CMSS1: variants seen among roughly 807,000 people sequenced by gnomAD.
CMSS1 encodes the protein protein CMSS1.
A neutral mutation model predicts 43.5 loss-of-function variants in CMSS1; 33 were observed. That is an observed-to-expected ratio of 0.76 (90% CI 0.57 to 1.01). The LOEUF (loss-of-function observed/expected upper bound fraction) is 1.01. Among genes scored for constraint, CMSS1 ranks in the 50% least tolerant of loss-of-function variants. The pLI is 0.00. For synonymous variants in CMSS1, 115 were observed against 117.2 expected, an observed-to-expected ratio of 0.98 and a Z score of 0.12; for missense variants, 313 against 326.4, an observed-to-expected ratio of 0.96 and a Z score of 0.32.
intron 1 of CMSS1, among the ~76,000 whole-genome samples, chr3:99,886,705 G>A (rs926417330): frequency 1.3e-5 from 2 of 152,146 alleles, no homozygotes; most frequent in African/African-American, 4.8e-5. Flanking sequence ...TGTAATCCCA[G>A]CACTTTGGGA....
intron 1 of CMSS1, among the ~76,000 whole-genome samples, chr3:99,857,460 G>T (rs1944020978): frequency 6.6e-6 from 1 of 152,292 alleles, no homozygotes; most frequent in African/African-American, 2.4e-5. Context: ...TATCAACTCT[G>T]CTAACAAAGG....
chr3:100,173,052 T>A (rs894837454), intron 8 of CMSS1, among the ~76,000 whole-genome samples: 23 of 152,330 alleles, frequency 1.5e-4, no homozygotes, highest in African/African-American at 3.8e-4. Context: ...GCTTTTTTTT[T>A]AAATAACTGT....
intron 1 of CMSS1, among the ~76,000 whole-genome samples, chr3:100,053,384 C>T (rs540023835): frequency 6.6e-6 from 1 of 152,270 alleles, no homozygotes; most frequent in South Asian, 2.1e-4. Flanking sequence ...CTGGTGCTTG[C>T]CAACAGTCCT....
intron 1 of CMSS1, among the ~76,000 whole-genome samples, chr3:99,872,522 A>T (rs750667604): frequency 2.6e-5 from 4 of 151,862 alleles, no homozygotes; most frequent in Non-Finnish European, 4.4e-5. Context: ...GTCTGTCCCA[A>T]TCATACACTT....
intron 1 of CMSS1, among the ~76,000 whole-genome samples, chr3:100,092,784 T>C (rs767852125): frequency 6.6e-6 from 1 of 151,584 alleles, no homozygotes; most frequent in Admixed American, 6.6e-5. Flanking sequence ...TTCAGCATCC[T>C]TTAGAATTAA....
At chr3:99,838,043 T>A (rs939787413) in intron 1 of CMSS1, among the ~76,000 whole-genome samples, 4 of 152,230 alleles carry the variant, frequency 2.6e-5, no homozygotes, top group African/African-American at 9.6e-5. Context: ...CTGAGGCTAA[T>A]CAGGTACCTC....
chr3:99,973,748 G>T (rs1243080608), intron 1 of CMSS1, among the ~76,000 whole-genome samples: 1 of 152,094 alleles, frequency 6.6e-6, no homozygotes. Flanking sequence ...TTTTCCCCCA[G>T]TTTGGGTAGC....
intron 1 of CMSS1, among the ~76,000 whole-genome samples, chr3:99,931,635 T>C (rs1049550362): frequency 3.9e-5 from 6 of 152,204 alleles, no homozygotes; most frequent in African/African-American, 1.4e-4. Context: ...GCTGTATTCC[T>C]GTATTCCTGA....
intron 1 of CMSS1, among the ~76,000 whole-genome samples, chr3:100,115,620 TCTCTCTCTG>T: frequency 9.0e-6 from 1 of 110,922 alleles, no homozygotes; most frequent in African/African-American, 3.3e-5. Context: ...TCTCTCTCTC[TCTCTCTCTG>T]TCTCTCTCTC....
chr3:99,947,035 G>A (rs1490169007), intron 1 of CMSS1, among the ~76,000 whole-genome samples: 1 of 150,966 alleles, frequency 6.6e-6, no homozygotes, highest in Non-Finnish European at 1.5e-5. Context: ...TACTCGGGAG[G>A]CTGAGGCAGG....
intron 1 of CMSS1, among the ~76,000 whole-genome samples, chr3:99,939,200 A>G (rs1425372323): frequency 6.6e-6 from 1 of 152,180 alleles, no homozygotes; most frequent in Non-Finnish European, 1.5e-5. Flanking sequence ...CATCACCCAT[A>G]GTATCAGGCA....
At chr3:100,036,678 A>G (rs2065113643) in intron 1 of CMSS1, among the ~76,000 whole-genome samples, 1 of 152,238 alleles carries the variant, frequency 6.6e-6, no homozygotes, top group African/African-American at 2.4e-5. Flanking sequence ...ACAATTTTTT[A>G]AAAGTTCAGT....
At chr3:100,038,739 G>A (rs901253952) in intron 1 of CMSS1, among the ~76,000 whole-genome samples, 9 of 152,112 alleles carry the variant, frequency 5.9e-5, no homozygotes, top group African/African-American at 2.2e-4. Context: ...GGGCTCAAGC[G>A]ATCCTCCCAC....
Position 99,851,186 on chromosome 3 carries a change from T to TA in CMSS1, c.64+33144dup, listed in dbSNP as rs1266984431. 48 of 803,560 alleles carry TA rather than the reference T, an allele frequency of 6.0e-5. 1 individual carries two copies. The South Asian group carries it at 1.0e-3, about 17-fold the overall frequency. The allele number at this position is 803,560 out of a possible 1,614,324, so 49.8% of individuals were successfully genotyped here. A position where few individuals can be genotyped will look rare whatever the true frequency, so the allele number is the denominator to read the frequency against. On this transcript the variant is annotated intron_variant, in intron 1 of 9. Transcript: ENST00000421999. ...TAATTATATGAGCTGTGTCAGTTCATATACAATATGCAAAAGAGTTCCTGA... is the reference window on the plus strand; with the variant it reads ...TAATTATATGAGCTGTGTCAGTTCATAATACAATATGCAAAAGAGTTCCTGA...
At chr3:100,173,818 G>A (rs1448685352) in intron 8 of CMSS1, among the ~76,000 whole-genome samples, 1 of 152,144 alleles carries the variant, frequency 6.6e-6, no homozygotes, top group African/African-American at 2.4e-5. Flanking sequence ...CCCCTGTGAT[G>A]GACTCAGACC....
chr3:99,823,346 T>C (rs1199945044), intron 1 of CMSS1, among the ~76,000 whole-genome samples: 1 of 152,226 alleles, frequency 6.6e-6, no homozygotes, highest in African/African-American at 2.4e-5. Context: ...GGATGTCAAA[T>C]GTAAACAAGA....
intron 1 of CMSS1, among the ~76,000 whole-genome samples, chr3:99,847,711 C>T (rs1260460295): frequency 6.6e-6 from 1 of 152,102 alleles, no homozygotes; most frequent in Non-Finnish European, 1.5e-5. Flanking sequence ...TCTGAAAGAT[C>T]TTATAGTTCA....
chr3:100,155,229 C>CA (rs1379282978), intron 2 of CMSS1, among the ~76,000 whole-genome samples: 1 of 152,148 alleles, frequency 6.6e-6, no homozygotes, highest in Non-Finnish European at 1.5e-5. Context: ...ACATTTTGGT[C>CA]AAAACAGTTG....
At chr3:99,819,513 C>T (rs1942389062) in intron 1 of CMSS1, among the ~76,000 whole-genome samples, 1 of 152,100 alleles carries the variant, frequency 6.6e-6, no homozygotes, top group Non-Finnish European at 1.5e-5. Context: ...TTCATAACAT[C>T]CCGAAAAGGT....
Sources: allele counts gnomAD v4.1 joint callset (sites outside exome capture counted in the v4.1 genomes callset), GRCh38; gene constraint gnomAD v4.1.1; transcripts MANE v1.5; gene names NCBI Gene and HGNC (gene_info 2026-07-23, HGNC 2026-07-21).